Variants in KIF26A observed in about 807,000 individuals in gnomAD.
KIF26A encodes kinesin family member 26A, also known as kinesin-like protein KIF26A.
A neutral mutation model predicts 126.0 loss-of-function variants in KIF26A; 74 were observed. The ratio of observed to expected loss-of-function variants is 0.59; its 90% confidence interval spans 0.49 to 0.71. The LOEUF is 0.71. Among genes scored for constraint, KIF26A ranks in the 30% least tolerant of loss-of-function variants. The probability of loss-of-function intolerance (pLI) is 0.00; values close to 1 mark genes in which losing one functional copy is unlikely to be tolerated. For missense variants in KIF26A, 2,984 were observed against 2,763.3 expected, an observed-to-expected ratio of 1.08 and a Z score of -1.79; for synonymous variants, 1,445 against 1,232.7, an observed-to-expected ratio of 1.17 and a Z score of -3.61.
intron 2 of KIF26A, among the ~76,000 whole-genome samples, chr14:104,140,821 C>G (rs2037631061): frequency 6.6e-6 from 1 of 152,172 alleles, no homozygotes; most frequent in Non-Finnish European, 1.5e-5. Flanking sequence ...GGGGGCTCCC[C>G]CTTCCCTAGC....
intron 4 of KIF26A, 88 bp downstream of exon 4, chr14:104,158,030 G>T (rs2037799208): frequency 8.0e-7 from 1 of 1,246,266 alleles, no homozygotes; most frequent in African/African-American, 1.6e-5. Context: ...GCCGTTCTTG[G>T]GGGACCTCGG....
intron 2 of KIF26A, among the ~76,000 whole-genome samples, chr14:104,146,990 T>TTTCTGCCCAGGG (rs1322759459): frequency 6.6e-6 from 1 of 152,018 alleles, no homozygotes; most frequent in African/African-American, 2.4e-5. Flanking sequence ...GGTTTCCGGG[T>TTTCTGCCCAGGG]TTCTGCCCAG....
At chr14:104,153,936 C>A (rs561628085) in intron 3 of KIF26A, among the ~76,000 whole-genome samples, 1 of 152,302 alleles carries the variant, frequency 6.6e-6, no homozygotes, top group African/African-American at 2.4e-5. Flanking sequence ...TTTAGGCACC[C>A]TCTCCCAGCG....
chr14:104,143,146 C>T (rs1212581609), intron 2 of KIF26A, among the ~76,000 whole-genome samples: 1 of 152,250 alleles, frequency 6.6e-6, no homozygotes, highest in South Asian at 2.1e-4. Context: ...TCATTTAGCT[C>T]CCGTGCATCT....
At chr14:104,141,967 C>T (rs1253225207) in intron 2 of KIF26A, among the ~76,000 whole-genome samples, 1 of 152,234 alleles carries the variant, frequency 6.6e-6, no homozygotes, top group African/African-American at 2.4e-5. Flanking sequence ...TTGGCAGCTG[C>T]TGCTGCTGTT....
At position 104,139,297 on chromosome 14, in the gene KIF26A, C is replaced by G; in HGVS notation, c.288+9C>G. The G allele has an allele frequency of 1.3e-6, 2 of 1,493,040 alleles. No individual in the cohort carries two copies. The highest frequency in any genetic ancestry group is 1.3e-5 in the South Asian group (1 of 75,434). 92.5% of individuals were successfully genotyped at this position (1,493,040 alleles called of 1,614,324 possible). A position where few individuals can be genotyped will look rare whatever the true frequency, so the allele number is the denominator to read the frequency against. On this transcript the variant is annotated intron_variant, in intron 2 of 14. Coordinates refer to ENST00000423312, the MANE Select transcript of KIF26A (RefSeq NM_015656.2). ...CCGGGACCACCCTCCGGGTAAGTGACACTTCCTTAGGCCGACCCCTCCGAG... is the reference window on the plus strand; with the variant it reads ...CCGGGACCACCCTCCGGGTAAGTGAGACTTCCTTAGGCCGACCCCTCCGAG...
chr14:104,174,596 C>T (rs1273039362), intron 11 of KIF26A, among the ~76,000 whole-genome samples: 1 of 152,100 alleles, frequency 6.6e-6, no homozygotes, highest in Non-Finnish European at 1.5e-5. Flanking sequence ...CTGGGGTGCT[C>T]AGGAGAGCCG....
In KIF26A at chr14:104,179,784, C is replaced by T. The variant is rs199892820; in HGVS notation, c.5643C>T (p.Asp1881=). The change falls in exon 15 of 15, where the codon GAC becomes GAT. Residue 1881 remains aspartate (D), a synonymous_variant. Coordinates refer to ENST00000423312, the MANE Select transcript of KIF26A (RefSeq NM_015656.2). The part of the protein sequence containing the change: ...SAAIPGPQEV[D]V ...CCATCCCGGGGCCGCAGGAGGTGGA[C>T]GTCTGAGGCTGGGCGCCGGACAAGA... is the stretch of plus-strand genomic sequence containing the variant. 1.8e-5 allele frequency: 27 copies of T among 1,533,336 alleles called. No homozygotes were observed. Among genetic ancestry groups the T allele is most frequent in the East Asian group, 4.8e-5 (2 of 41,446 alleles). 95.0% of individuals were successfully genotyped at this position (1,533,336 alleles called of 1,614,324 possible).
At chr14:104,142,665 T>G (rs1473333907) in intron 2 of KIF26A, among the ~76,000 whole-genome samples, 1 of 152,108 alleles carries the variant, frequency 6.6e-6, no homozygotes, top group African/African-American at 2.4e-5. Flanking sequence ...GGGGCCTCCC[T>G]CTTTCTCCAC....
At chr14:104,162,421 G>C in intron 4 of KIF26A, among the ~76,000 whole-genome samples, 1 of 152,214 alleles carries the variant, frequency 6.6e-6, no homozygotes, top group East Asian at 1.9e-4. Flanking sequence ...TGCGGACGCT[G>C]CTCCTGGGAG....
intron 12 of KIF26A, 92 bp from the exon 13 acceptor site, chr14:104,178,458 A>G (rs1377846739): frequency 8.3e-6 from 8 of 969,610 alleles, no homozygotes; most frequent in Non-Finnish European, 1.1e-5. Context: ...CCTCCCTGTC[A>G]GGACTCGGGC....
rs2037703038 is a variant in KIF26A, at chr14:104,148,880, G to A, written c.289-3135G>A. On this transcript the variant is annotated intron_variant, in intron 2 of 14. Coordinates refer to ENST00000423312, the MANE Select transcript of KIF26A (RefSeq NM_015656.2). The surrounding 1 kb of genome is among the most constrained non-coding windows in gnomAD (Gnocchi z 4.3). The stretch of plus-strand genomic sequence containing the variant: ...GGAGCCCTGAGTGCTGGTCCCGTGT[G>A]CTGAGTGGGGTGCCGAGTTCTCCTC... 6.6e-6 allele frequency among the ~76,000 whole-genome samples: 1 copy of A among 152,182 alleles called. No homozygotes were observed. Among genetic ancestry groups the A allele is most frequent in the African/African-American group, 2.4e-5 (1 of 41,442 alleles).
intron 2 of KIF26A, among the ~76,000 whole-genome samples, chr14:104,149,872 T>G (rs1323614022): frequency 1.3e-5 from 2 of 152,190 alleles, no homozygotes; most frequent in Non-Finnish European, 2.9e-5. Flanking sequence ...CCGGGCTGCC[T>G]GTCAGGTTGG....
chr14:104,178,478 A>G (rs2038061247), intron 12 of KIF26A, 72 bp from the exon 13 acceptor site: 2 of 1,184,932 alleles, frequency 1.7e-6, no homozygotes, highest in East Asian at 2.9e-5. Context: ...CCGGCTCCGC[A>G]GCGTCCCCGC....
Position 104,175,513 on chromosome 14 carries a change from C to G in KIF26A, c.2725C>G (p.Gln909Glu). Reference sequence around the variant, plus strand: ...AGGCAGTTCTGGTCCAGACACCCACCAGGGTACCCCTGAGCCCTGCAAGGC... The same window carrying G: ...AGGCAGTTCTGGTCCAGACACCCACGAGGGTACCCCTGAGCCCTGCAAGGC... The part of the protein sequence containing the change: ...PRGSSGPDTH[Q>E]GTPEPCKAIV... The change falls in exon 12 of 15, where the codon CAG (glutamine) becomes GAG (glutamate). Residue 909 changes from glutamine (Q) to glutamate (E), a missense_variant. Physicochemically the swap from Gln to Glu is conservative, Grantham distance 29 (BLOSUM62 2). Transcript: ENST00000423312. The G allele has an allele frequency of 6.3e-7, 1 of 1,598,348 alleles. No individual in the cohort carries two copies.
Position 104,152,531 on chromosome 14 carries a change from C to G in KIF26A, c.735+70C>G. Reference sequence around the variant, plus strand: ...AGAACTGGGCTTCCTTCGGGGGTCTCTGTCCACGTTGAGTGCCCTGCAGTA... The same window carrying G: ...AGAACTGGGCTTCCTTCGGGGGTCTGTGTCCACGTTGAGTGCCCTGCAGTA... On this transcript the variant is annotated intron_variant, in intron 3 of 14. Transcript: ENST00000423312. The surrounding 1 kb of genome is among the most constrained non-coding windows in gnomAD (Gnocchi z 5.9). The G allele has an allele frequency of 1.4e-6, 2 of 1,421,076 alleles. No individual in the cohort carries two copies. Among genetic ancestry groups the G allele is most frequent in the Non-Finnish European group, 1.9e-6 (2 of 1,069,346 alleles). 88.0% of individuals were successfully genotyped at this position (1,421,076 alleles called of 1,614,324 possible). A position where few individuals can be genotyped will look rare whatever the true frequency, so the allele number is the denominator to read the frequency against.
intron 5 of KIF26A, among the ~76,000 whole-genome samples, chr14:104,167,625 C>G (rs1057041662): frequency 3.9e-5 from 6 of 152,184 alleles, no homozygotes; most frequent in Non-Finnish European, 7.4e-5. Context: ...GCTGGTTGTG[C>G]CATCCGAGTC....
intron 3 of KIF26A, among the ~76,000 whole-genome samples, chr14:104,156,994 C>T (rs539050905): frequency 1.3e-5 from 2 of 152,144 alleles, no homozygotes; most frequent in South Asian, 4.2e-4. Flanking sequence ...GGGGAAGGGG[C>T]CGGGGCGAGG....
chr14:104,176,355 C>G lies in KIF26A; in HGVS notation c.3567C>G (p.Gly1189=). 6.3e-7 allele frequency: 1 copy of G among 1,580,984 alleles called. No homozygotes were observed. Among genetic ancestry groups the G allele is most frequent in the Non-Finnish European group, 8.6e-7 (1 of 1,160,404 alleles). Residue 1189 remains glycine (G), a synonymous_variant, in exon 12 of 15, where the codon GGC becomes GGG. Transcript: ENST00000423312. ...CTGCAGTGGCCCCATCCCGACCCGGCAGGGAGCCCCAGGCCGGGCCCTCGC... is the reference window on the plus strand; with the variant it reads ...CTGCAGTGGCCCCATCCCGACCCGGGAGGGAGCCCCAGGCCGGGCCCTCGC... ...EVAAVAPSRP[G]REPQAGPSRW... is the part of the protein sequence containing the mutation.
Sources: gnomAD v4.1 joint callset for allele counts (sites outside exome capture counted in the v4.1 genomes callset) on GRCh38, gnomAD v4.1.1 for gene constraint, Gnocchi (gnomAD v3.1) non-coding constraint, MANE v1.5 for transcripts, NCBI Gene and HGNC (gene_info 2026-07-23, HGNC 2026-07-21) for gene names.